Variants in LARGE1 observed in about 807,000 individuals in gnomAD.
LARGE1 encodes xylosyl- and glucuronyltransferase LARGE1.
In LARGE1, 43 loss-of-function variants were observed where a neutral mutation model predicts 87.6. The observed-to-expected ratio is 0.49, with a 90% CI of 0.38 to 0.63. The LOEUF is 0.63. Ranked by LOEUF, LARGE1 falls within the 30% of genes least tolerant of loss-of-function variation. LARGE1 has a pLI of 0.00. For missense variants in LARGE1, 802 were observed against 1,000.2 expected (o/e 0.80, Z 2.67); for synonymous variants, 434 against 394.6 (o/e 1.10, Z -1.18).
chr22:33,683,466 C>G (rs1404501415), intron 2 of LARGE1, among the ~76,000 whole-genome samples: 2 of 152,144 alleles, frequency 1.3e-5, no homozygotes, highest in African/African-American at 4.8e-5. Flanking sequence ...GACTTCTCAG[C>G]CTCCATAATT....
chr22:33,081,811 ATTGTCTGCAAGC>A, the LARGE1 span, among the ~76,000 whole-genome samples: 1 of 152,156 alleles, frequency 6.6e-6, no homozygotes, highest in Non-Finnish European at 1.5e-5. Context: ...AGAGATTTTC[ATTGTCTGCAAGC>A]TTTCTCTGTG....
intron 11 of LARGE1, among the ~76,000 whole-genome samples, chr22:33,177,825 C>T (rs946328863): frequency 1.3e-5 from 2 of 152,046 alleles, no homozygotes; most frequent in South Asian, 2.1e-4. Context: ...TCCCATGTGT[C>T]GAGGGAGGGG....
At chr22:33,486,540 G>C (rs994738796) in intron 6 of LARGE1, among the ~76,000 whole-genome samples, 2 of 152,148 alleles carry the variant, frequency 1.3e-5, no homozygotes, top group Non-Finnish European at 2.9e-5. Flanking sequence ...CAGAGAGAGA[G>C]AGAGAGGAGA....
At chr22:33,089,431 C>CCCT in the LARGE1 span, among the ~76,000 whole-genome samples, 4 of 139,880 alleles carry the variant, frequency 2.9e-5, no homozygotes, top group East Asian at 8.5e-4. Context: ...CTTCCTCTTC[C>CCCT]TCTTCTTCTT....
intron 11 of LARGE1, among the ~76,000 whole-genome samples, chr22:33,214,746 G>A (rs1568976701): frequency 6.6e-6 from 1 of 152,090 alleles, no homozygotes; most frequent in African/African-American, 2.4e-5. Flanking sequence ...TTCCATTTTC[G>A]AGGGAGCCCG....
Position 33,507,844 on chromosome 22 carries a change from A to G in LARGE1, c.787+57004T>C, listed in dbSNP as rs2070837266. On this transcript the variant is annotated intron_variant, in intron 6 of 14. Transcript: ENST00000397394. ...GCTTGCTCTACACTGGTGTGGTACC[A>G]GAATTACATACCTAGGGGGACTGTT... is the stretch of plus-strand genomic sequence containing the variant. Among the ~76,000 whole-genome samples, 3 of 152,210 alleles carry G rather than the reference A, an allele frequency of 2.0e-5. No individual in the cohort carries two copies. The South Asian group carries it at 6.2e-4, about 32-fold the overall frequency.
chr22:33,365,616 C>CTT (rs199897896), intron 9 of LARGE1, among the ~76,000 whole-genome samples: 32 of 139,274 alleles, frequency 2.3e-4, no homozygotes, highest in African/African-American at 5.6e-4. Context: ...GCTTTTCTCT[C>CTT]TTTTTTTTTT....
At chr22:33,078,162 C>T in the LARGE1 span, among the ~76,000 whole-genome samples, 3 of 152,132 alleles carry the variant, frequency 2.0e-5, no homozygotes, top group African/African-American at 7.2e-5. Context: ...AAAAAAAATG[C>T]TGAGTGCTTT....
chr22:33,808,596 C>G (rs907071092), intron 1 of LARGE1, among the ~76,000 whole-genome samples: 1 of 152,210 alleles, frequency 6.6e-6, no homozygotes, highest in Non-Finnish European at 1.5e-5. Flanking sequence ...ACGCTGGGAT[C>G]GTAAAGAAGA....
chr22:33,564,257 T>A (rs1452696572), intron 6 of LARGE1, among the ~76,000 whole-genome samples: 4 of 152,174 alleles, frequency 2.6e-5, no homozygotes, highest in African/African-American at 9.7e-5. Flanking sequence ...CACATATCCA[T>A]GCCACAGTTA....
chr22:33,664,007 T>C (rs1407167483), intron 2 of LARGE1, among the ~76,000 whole-genome samples: 1 of 152,198 alleles, frequency 6.6e-6, no homozygotes, highest in African/African-American at 2.4e-5. Context: ...ATCCTTGGAT[T>C]TCCTACTACC....
chr22:33,292,483 T>C (rs1314376798), intron 12 of LARGE1, among the ~76,000 whole-genome samples: 2 of 151,986 alleles, frequency 1.3e-5, no homozygotes, highest in Non-Finnish European at 2.9e-5. Flanking sequence ...AGGCCAGTGA[T>C]GTGGATAATG....
chr22:33,186,580 T>C (rs907004353), intron 11 of LARGE1, among the ~76,000 whole-genome samples: 3 of 152,156 alleles, frequency 2.0e-5, no homozygotes, highest in South Asian at 2.1e-4. Flanking sequence ...TCCTAAAGAT[T>C]TGAAATTAAT....
intron 7 of LARGE1, among the ~76,000 whole-genome samples, chr22:33,415,560 G>A (rs2066457339): frequency 6.6e-6 from 1 of 152,184 alleles, no homozygotes; most frequent in South Asian, 2.1e-4. Context: ...CATCTTTTCA[G>A]GATGCAGCTG....
intron 1 of LARGE1, among the ~76,000 whole-genome samples, chr22:33,855,606 G>A (rs2063734720): frequency 6.6e-6 from 1 of 152,252 alleles, no homozygotes; most frequent in South Asian, 2.1e-4. Flanking sequence ...TTTCAGAGGT[G>A]GGGCTTGGTC....
At chr22:33,120,418 C>A in the LARGE1 span, among the ~76,000 whole-genome samples, 1 of 132,076 alleles carries the variant, frequency 7.6e-6, no homozygotes, top group African/African-American at 2.7e-5. Context: ...TTCCTTCTTT[C>A]TTTCTTTCTC....
At chr22:33,468,613 C>T (rs773360008) in intron 6 of LARGE1, among the ~76,000 whole-genome samples, 2 of 152,184 alleles carry the variant, frequency 1.3e-5, no homozygotes, top group East Asian at 1.9e-4. Context: ...CCTAGGAACA[C>T]AAGATCTGCA....
intron 2 of LARGE1, among the ~76,000 whole-genome samples, chr22:33,683,633 G>GCAGA (rs562952782): frequency 6.9e-4 from 105 of 152,062 alleles, no homozygotes; most frequent in South Asian, 4.2e-3. Context: ...AGGCAGGCAG[G>GCAGA]CAGACAGACA....
chr22:33,390,129 C>T (rs1053866119), intron 7 of LARGE1, among the ~76,000 whole-genome samples: 2 of 152,216 alleles, frequency 1.3e-5, no homozygotes, highest in South Asian at 4.1e-4. Context: ...ATTTGATGAG[C>T]TGATTCTCAG....
Sources: gnomAD v4.1 joint callset for allele counts (sites outside exome capture counted in the v4.1 genomes callset) on GRCh38, gnomAD v4.1.1 for gene constraint, MANE v1.5 for transcripts, NCBI Gene and HGNC (gene_info 2026-07-23, HGNC 2026-07-21) for gene names.